The following TRIM37 variants were observed in gnomAD, a reference collection of about 807,000 sequenced individuals.
TRIM37 encodes the protein tripartite motif containing 37.
TRIM37 carries 80 observed loss-of-function variants against 129.8 expected under a neutral mutation model. The observed-to-expected ratio is 0.62, with a 90% CI of 0.51 to 0.74. The LOEUF (loss-of-function observed/expected upper bound fraction) is 0.74. Ranked by LOEUF, TRIM37 falls within the 30% of genes least tolerant of loss-of-function variation. TRIM37 has a pLI of 0.00. For synonymous variants in TRIM37, 389 were observed against 387.1 expected (o/e 1.00, Z -0.06); for missense variants, 1,054 against 1,176.5 (o/e 0.90, Z 1.52).
chr17:59,099,321 T>C (rs960385545), intron 2 of TRIM37, among the ~76,000 whole-genome samples: 1 of 152,104 alleles, frequency 6.6e-6, no homozygotes, highest in Non-Finnish European at 1.5e-5. Flanking sequence ...CCTACATAGG[T>C]GTACCATTTT....
chr17:59,088,357 ACTT>A lies in TRIM37; in HGVS notation c.212_214del (p.Glu71del). The stretch of plus-strand genomic sequence containing the variant: ...TTGAAGAGTATCAAGCTGTTGTGTT[ACTT>A]CTTCTGCCCAACGACAATTTACTAG... On this transcript the variant is annotated inframe_deletion, in exon 4 of 24. Transcript: ENST00000262294. The A allele has an allele frequency of 6.2e-7, 1 of 1,613,930 alleles. No individual in the cohort carries two copies. The highest frequency in any genetic ancestry group is 8.5e-7 in the Non-Finnish European group (1 of 1,179,896).
At chr17:59,039,606 A>C (rs141469344) in intron 17 of TRIM37, among the ~76,000 whole-genome samples, 38 of 150,750 alleles carry the variant, frequency 2.5e-4, no homozygotes, top group Admixed American at 2.5e-3. Flanking sequence ...CGGCCTCCCA[A>C]CGTGCTGGGA....
At chr17:59,000,953 G>A (rs1209300058) in intron 23 of TRIM37, among the ~76,000 whole-genome samples, 1 of 152,060 alleles carries the variant, frequency 6.6e-6, no homozygotes, top group Non-Finnish European at 1.5e-5. Flanking sequence ...CCAGGACTTT[G>A]GGAGGCCAAG....
At chr17:59,103,189 T>C (rs114663083) in intron 2 of TRIM37, among the ~76,000 whole-genome samples, 4,451 of 152,168 alleles carry the variant, frequency 0.029, 181 homozygotes, top group African/African-American at 0.091. Context: ...AACAGAAAGT[T>C]TGAGGTGAAG....
downstream of TRIM37, among the ~76,000 whole-genome samples, chr17:58,978,740 T>TAGTC (rs1222787060): frequency 3.3e-5 from 5 of 152,142 alleles, no homozygotes; most frequent in Admixed American, 3.3e-4. Flanking sequence ...TCCCTTGTTG[T>TAGTC]AGTCATAAGC....
At position 59,017,338 on chromosome 17, in the gene TRIM37, C is replaced by T. The variant is rs2036073641; in HGVS notation, c.2344G>A (p.Glu782Lys). 1 of 1,614,158 alleles carries T rather than the reference C, an allele frequency of 6.2e-7. No homozygotes were observed. The highest frequency in any genetic ancestry group is 1.1e-5 in the South Asian group (1 of 91,080). ...CAGTCTCCCTTTGAACGACTATTTT[C>T]TCCAGGGTCCACTGCTCTTCGAAGT... is the stretch of plus-strand genomic sequence containing the variant. ...LSLRRAVDPG[E>K]NSRSKGDCQT... The change falls in exon 20 of 24, where the codon GAA becomes AAA. Residue 782 changes from glutamate (E) to lysine (K), a missense_variant. This residue lies in a region of TRIM37 where 287 missense variants were observed against 274.3 expected (regional missense o/e 1.05). Transcript: ENST00000262294.
downstream of TRIM37, chr17:58,981,305 C>CTAGA (rs1598721309): frequency 2.3e-5 from 8 of 355,282 alleles, no homozygotes; most frequent in Non-Finnish European, 3.5e-5. Context: ...CTTCATGTCA[C>CTAGA]TAGATACACA....
At chr17:59,106,283 T>A (rs2045982170) in intron 1 of TRIM37, among the ~76,000 whole-genome samples, 158 bp downstream of exon 1, 1 of 152,072 alleles carries the variant, frequency 6.6e-6, no homozygotes, top group African/African-American at 2.4e-5. Context: ...CGCTGCAGAA[T>A]GGGCACGGCA....
chr17:59,055,290 C>T (rs1311157542), intron 13 of TRIM37, among the ~76,000 whole-genome samples: 2 of 125,968 alleles, frequency 1.6e-5, no homozygotes, highest in African/African-American at 6.2e-5. Flanking sequence ...GAGCCAAGAT[C>T]GCGCCATTGC....
chr17:59,028,476 C>CA lies in TRIM37; in HGVS notation c.2195dup (p.Leu732PhefsTer25). On this transcript the variant is annotated frameshift_variant, in exon 19 of 24. Transcript: ENST00000262294. LOFTEE classifies it high-confidence loss of function. ...CCAGGAGTTCCATTCCCAAATCCTGCAATCTGCCAGAGTTTTCAGTTCCAC... is the reference window on the plus strand; with the variant it reads ...CCAGGAGTTCCATTCCCAAATCCTGCAAATCTGCCAGAGTTTTCAGTTCCAC... 1 of 1,614,090 alleles carries CA rather than the reference C, an allele frequency of 6.2e-7. No individual in the cohort carries two copies. The highest frequency in any genetic ancestry group is 8.5e-7 in the Non-Finnish European group (1 of 1,180,024).
At chr17:58,972,981 G>C in the TRIM37 span, 2 of 1,238,676 alleles carry the variant, frequency 1.6e-6, no homozygotes, top group South Asian at 2.6e-5. Flanking sequence ...TCATTCTCCT[G>C]TATCAACTCT....
chr17:59,104,794 A>G (rs2045841052), intron 1 of TRIM37, among the ~76,000 whole-genome samples: 1 of 152,138 alleles, frequency 6.6e-6, no homozygotes, highest in Admixed American at 6.6e-5. Context: ...ATAATGTATA[A>G]CAGCAGGGAA....
chr17:59,072,728 A>G (rs757626589), intron 8 of TRIM37, among the ~76,000 whole-genome samples: 58 of 149,864 alleles, frequency 3.9e-4, no homozygotes, highest in Admixed American at 6.7e-4. Context: ...AGCGTGGGCG[A>G]CAAGGCAAGA....
At chr17:59,093,203 C>T (rs2044556512) in intron 2 of TRIM37, among the ~76,000 whole-genome samples, 1 of 152,070 alleles carries the variant, frequency 6.6e-6, no homozygotes, top group South Asian at 2.1e-4. Context: ...TTCCTCCATT[C>T]TTAATAACCT....
chr17:58,973,921 C>T, the TRIM37 span, among the ~76,000 whole-genome samples: 30 of 143,514 alleles, frequency 2.1e-4, no homozygotes, highest in African/African-American at 7.9e-4. Context: ...CACTGCGCTC[C>T]AGGCTGGGCG....
chr17:59,012,286 A>G (rs770863065), intron 22 of TRIM37, 42 bp downstream of exon 22: 18 of 1,258,030 alleles, frequency 1.4e-5, no homozygotes, highest in Middle Eastern at 3.9e-4. Context: ...AAAGGGACAG[A>G]ATTCTCATTT....
intron 17 of TRIM37, among the ~76,000 whole-genome samples, chr17:59,032,848 T>C (rs1055896572): frequency 2.0e-5 from 3 of 152,112 alleles, no homozygotes; most frequent in African/African-American, 7.2e-5. Context: ...GTAAAATGTA[T>C]AGGTCATGAC....
In TRIM37 at chr17:58,998,667, A is replaced by G; in HGVS notation, c.*710T>C. The G allele has an allele frequency of 2.0e-6, 2 of 985,394 alleles. No homozygotes were observed. Among genetic ancestry groups the G allele is most frequent in the Non-Finnish European group, 2.4e-6 (2 of 829,890 alleles). 61.0% of individuals were successfully genotyped at this position (985,394 alleles called of 1,614,324 possible). ...AGTAAGAGGCAGAAAAAAATGAAAGAATTTTAAATAATCTTACACGTGTCT... is the reference window on the plus strand; with the variant it reads ...AGTAAGAGGCAGAAAAAAATGAAAGGATTTTAAATAATCTTACACGTGTCT... On this transcript the variant is annotated 3_prime_UTR_variant, in exon 24 of 24. Transcript: ENST00000262294.
Position 59,012,460 on chromosome 17 carries a change from A to G in TRIM37, c.2577-14T>C. 1 of 1,513,636 alleles carries G rather than the reference A, an allele frequency of 6.6e-7. No individual in the cohort carries two copies. Among genetic ancestry groups the G allele is most frequent in the Non-Finnish European group, 9.1e-7 (1 of 1,095,362 alleles). 93.8% of individuals were successfully genotyped at this position (1,513,636 alleles called of 1,614,324 possible). ...TTAGCATTAGCCCTCAAAGAAGAAA[A>G]CAACTTGATATTTCTCTATAACTAG... On this transcript the variant is annotated splice_polypyrimidine_tract_variant and intron_variant, in intron 21 of 23. Coordinates refer to ENST00000262294, the MANE Select transcript of TRIM37 (RefSeq NM_015294.6).
Sources: allele counts gnomAD v4.1 joint callset (sites outside exome capture counted in the v4.1 genomes callset), GRCh38; gene constraint gnomAD v4.1.1; regional missense constraint gnomAD v4.1.1; transcripts MANE v1.5; gene names NCBI Gene and HGNC (gene_info 2026-07-23, HGNC 2026-07-21).